CEP128: variants seen among roughly 807,000 people sequenced by gnomAD.
CEP128 encodes the protein centrosomal protein 128.
A neutral mutation model predicts 156.7 loss-of-function variants in CEP128; 132 were observed. The observed-to-expected ratio is 0.84, with a 90% CI of 0.73 to 0.97. The LOEUF (loss-of-function observed/expected upper bound fraction) is 0.97. Ranked by LOEUF, CEP128 falls within the 50% of genes least tolerant of loss-of-function variation. The pLI, the probability that CEP128 is intolerant of heterozygous loss-of-function variation, is 0.00. For synonymous variants in CEP128, 469 were observed against 448.9 expected (o/e 1.04, Z -0.57); for missense variants, 1,252 against 1,281.9 (o/e 0.98, Z 0.36).
intron 13 of CEP128, among the ~76,000 whole-genome samples, chr14:80,806,119 T>C (rs1207980888): frequency 2.0e-5 from 3 of 152,210 alleles, no homozygotes; most frequent in Non-Finnish European, 4.4e-5. Flanking sequence ...ATTATCATTT[T>C]CTTTTTGCCA....
At chr14:80,593,769 T>C (rs939363848) in intron 19 of CEP128, among the ~76,000 whole-genome samples, 1 of 152,044 alleles carries the variant, frequency 6.6e-6, no homozygotes, top group Non-Finnish European at 1.5e-5. Context: ...TTACAAGGGA[T>C]GTGAAGGACC....
intron 20 of CEP128, among the ~76,000 whole-genome samples, chr14:80,571,151 C>T (rs1436664558): frequency 6.6e-6 from 1 of 152,284 alleles, no homozygotes; most frequent in South Asian, 2.1e-4. Context: ...TATTGTGCAG[C>T]TAAATGACAC....
At chr14:80,515,549 G>A (rs941730340) in intron 23 of CEP128, among the ~76,000 whole-genome samples, 2 of 152,132 alleles carry the variant, frequency 1.3e-5, no homozygotes, top group East Asian at 1.9e-4. Context: ...ACCAGATAAT[G>A]TTGAGGGCTC....
intron 9 of CEP128, among the ~76,000 whole-genome samples, chr14:80,845,134 G>C (rs1487440227): frequency 6.6e-6 from 1 of 152,138 alleles, no homozygotes. Flanking sequence ...CTGTTGACAA[G>C]TGTCAGGATT....
chr14:80,605,252 C>T (rs8004071), intron 19 of CEP128, among the ~76,000 whole-genome samples: 94,546 of 151,908 alleles, frequency 0.62, 30,807 homozygotes, highest in African/African-American at 0.83. Flanking sequence ...TTAGTTGTTG[C>T]CTCCTAGTTG....
At chr14:80,953,360 C>T (rs1208791788) in intron 2 of CEP128, among the ~76,000 whole-genome samples, 1 of 152,084 alleles carries the variant, frequency 6.6e-6, no homozygotes, top group African/African-American at 2.4e-5. Flanking sequence ...CTGGGGCGGG[C>T]GGATCACGAG....
intron 8 of CEP128, among the ~76,000 whole-genome samples, chr14:80,872,757 T>G (rs936115313): frequency 5.3e-5 from 8 of 152,340 alleles, no homozygotes; most frequent in African/African-American, 1.9e-4. Flanking sequence ...GACAGCAGGT[T>G]ATGAATTCAC....
chr14:80,874,999 G>A (rs77431591), intron 8 of CEP128, among the ~76,000 whole-genome samples: 7,165 of 152,268 alleles, frequency 0.047, 188 homozygotes, highest in Middle Eastern at 0.061. Flanking sequence ...AAAGAAAACC[G>A]GAGAGAATGG....
At chr14:80,778,728 A>C (rs1900936841) in intron 15 of CEP128, among the ~76,000 whole-genome samples, 3 of 152,230 alleles carry the variant, frequency 2.0e-5, no homozygotes, top group Admixed American at 1.3e-4. Context: ...GCTTTTAAAA[A>C]ATAAACTTTG....
intron 19 of CEP128, among the ~76,000 whole-genome samples, chr14:80,604,014 AC>A (rs1298697307): frequency 6.6e-6 from 1 of 152,192 alleles, no homozygotes; most frequent in Non-Finnish European, 1.5e-5. Flanking sequence ...ACAGGTAAAA[AC>A]AAAAAGTTAT....
intron 8 of CEP128, among the ~76,000 whole-genome samples, chr14:80,866,816 T>C (rs1162938024): frequency 1.3e-5 from 2 of 152,082 alleles, no homozygotes; most frequent in African/African-American, 2.4e-5. Flanking sequence ...TAACAAAGAA[T>C]ACAAAATAAT....
chr14:80,912,227 A>C (rs1232203754), intron 4 of CEP128, among the ~76,000 whole-genome samples: 3 of 152,064 alleles, frequency 2.0e-5, no homozygotes, highest in Non-Finnish European at 4.4e-5. Flanking sequence ...AAAAAAAAAA[A>C]AACTACTCCC....
intron 23 of CEP128, among the ~76,000 whole-genome samples, chr14:80,520,574 T>C (rs541854343): frequency 6.6e-6 from 1 of 152,356 alleles, no homozygotes; most frequent in East Asian, 1.9e-4. Flanking sequence ...TAAAATTATA[T>C]ATTCCTAGTG....
intron 18 of CEP128, among the ~76,000 whole-genome samples, chr14:80,749,515 G>A (rs1468804942): frequency 6.6e-6 from 1 of 152,162 alleles, no homozygotes; most frequent in Non-Finnish European, 1.5e-5. Flanking sequence ...GAAGTGAAAT[G>A]AGCCAGAAAA....
At chr14:80,843,886 G>A (rs532785288) in intron 9 of CEP128, among the ~76,000 whole-genome samples, 26 of 151,832 alleles carry the variant, frequency 1.7e-4, no homozygotes, top group African/African-American at 3.4e-4. Context: ...CTTTTTGGAC[G>A]CTTAAACACA....
intron 20 of CEP128, among the ~76,000 whole-genome samples, chr14:80,563,465 T>G (rs994817929): frequency 4.6e-5 from 7 of 151,870 alleles, no homozygotes; most frequent in African/African-American, 1.7e-4. Flanking sequence ...ATATGTAATT[T>G]TATATATACT....
intron 16 of CEP128, among the ~76,000 whole-genome samples, chr14:80,772,196 C>T (rs909947129): frequency 6.6e-6 from 1 of 152,092 alleles, no homozygotes; most frequent in African/African-American, 2.4e-5. Context: ...CCATAAGTTG[C>T]CTTTTGGCCC....
At chr14:80,618,669 C>T (rs1380751422) in intron 19 of CEP128, among the ~76,000 whole-genome samples, 2 of 152,178 alleles carry the variant, frequency 1.3e-5, no homozygotes, top group African/African-American at 4.8e-5. Flanking sequence ...CACTAAGTGA[C>T]AGAAAATAAG....
chr14:80,840,045 T>C (rs1308610466), intron 10 of CEP128, among the ~76,000 whole-genome samples: 1 of 152,054 alleles, frequency 6.6e-6, no homozygotes, highest in Non-Finnish European at 1.5e-5. Context: ...TGAAATAAAA[T>C]AAAGGAGGCA....
Sources: allele counts gnomAD v4.1 joint callset (sites outside exome capture counted in the v4.1 genomes callset), GRCh38; gene constraint gnomAD v4.1.1; transcripts MANE v1.5; gene names NCBI Gene and HGNC (gene_info 2026-07-23, HGNC 2026-07-21).